Variants in FMNL2 observed in about 807,000 individuals in gnomAD.
The protein encoded by FMNL2 is formin-like protein 2.
Under a neutral mutation model 130.2 loss-of-function variants are expected in FMNL2, and 51 were observed. The observed-to-expected ratio is 0.39, with a 90% CI of 0.31 to 0.49. The LOEUF is 0.49. Ranked by LOEUF, FMNL2 falls within the 20% of genes least tolerant of loss-of-function variation. FMNL2 has a pLI of 0.85. For synonymous variants in FMNL2, 465 were observed against 467.1 expected (o/e 1.00, Z 0.06); for missense variants, 977 against 1,316.2 (o/e 0.74, Z 3.99).
At chr2:152,401,129 G>T (rs1008775582) in intron 1 of FMNL2, among the ~76,000 whole-genome samples, 4 of 152,264 alleles carry the variant, frequency 2.6e-5, no homozygotes, top group African/African-American at 9.6e-5. Flanking sequence ...GCCTGGGCCT[G>T]TGATATGACT....
chr2:152,338,836 C>CACACACACAT (rs1553862447), intron 1 of FMNL2, among the ~76,000 whole-genome samples: 2 of 151,318 alleles, frequency 1.3e-5, no homozygotes, highest in African/African-American at 2.4e-5. Context: ...CACACACACA[C>CACACACACAT]ACACACACAC....
intron 1 of FMNL2, among the ~76,000 whole-genome samples, chr2:152,481,054 T>C (rs1690491499): frequency 6.6e-6 from 1 of 152,246 alleles, no homozygotes; most frequent in Admixed American, 6.5e-5. Flanking sequence ...TTGAAGCATA[T>C]GTATGTGCTT....
In FMNL2 at chr2:152,335,250, C is replaced by T. The variant is rs1681321909; in HGVS notation, c.-354C>T. The stretch of plus-strand genomic sequence containing the variant: ...GAAGTGTCAGCGGCGGCCGCGGGCC[C>T]GGCAGAAGGCCGAGTAGGAGGGACC... On this transcript the variant is annotated 5_prime_UTR_variant, in exon 1 of 26. Transcript: ENST00000288670. 1 of 158,388 alleles carries T rather than the reference C, an allele frequency of 6.3e-6. No homozygotes were observed. The allele number at this position is 158,388 out of a possible 1,614,324, so 9.8% of individuals were successfully genotyped here.
At chr2:152,488,832 C>T (rs1001490780) in intron 1 of FMNL2, among the ~76,000 whole-genome samples, 1 of 151,976 alleles carries the variant, frequency 6.6e-6, no homozygotes, top group African/African-American at 2.4e-5. Flanking sequence ...AATCCTTGCA[C>T]TTTGGGAGGC....
At chr2:152,405,861 A>G (rs994383015) in intron 1 of FMNL2, among the ~76,000 whole-genome samples, 1 of 152,218 alleles carries the variant, frequency 6.6e-6, no homozygotes, top group Non-Finnish European at 1.5e-5. Context: ...ATGCAGAATG[A>G]TATTGATATG....
At chr2:152,464,908 T>C (rs1054119583) in intron 1 of FMNL2, among the ~76,000 whole-genome samples, 4 of 152,160 alleles carry the variant, frequency 2.6e-5, no homozygotes, top group African/African-American at 7.2e-5. Flanking sequence ...AGGAATCTTA[T>C]TGAGAAGGGG....
chr2:152,528,308 ATTACTGCACATTTGG>A (rs1693505740), intron 2 of FMNL2, among the ~76,000 whole-genome samples: 1 of 152,204 alleles, frequency 6.6e-6, no homozygotes, highest in Non-Finnish European at 1.5e-5. Context: ...GCCATAACAA[ATTACTGCACATTTGG>A]TGGCTTACAA....
intron 6 of FMNL2, among the ~76,000 whole-genome samples, chr2:152,569,907 A>G (rs1696081402): frequency 6.6e-6 from 1 of 151,220 alleles, no homozygotes; most frequent in African/African-American, 2.4e-5. Context: ...GCTACTTGGG[A>G]GGCTGAGGCA....
At chr2:152,571,079 A>C (rs1696145568) in intron 6 of FMNL2, among the ~76,000 whole-genome samples, 1 of 152,184 alleles carries the variant, frequency 6.6e-6, no homozygotes, top group African/African-American at 2.4e-5. Context: ...CTTGAAAACC[A>C]GTAGCTGCAA....
At chr2:152,510,478 ATTC>A (rs1692440415) in intron 1 of FMNL2, among the ~76,000 whole-genome samples, 1 of 152,206 alleles carries the variant, frequency 6.6e-6, no homozygotes, top group Non-Finnish European at 1.5e-5. Context: ...TGTTTTGGGA[ATTC>A]TTCTATTTTT....
At chr2:152,473,295 C>T (rs73968028) in intron 1 of FMNL2, among the ~76,000 whole-genome samples, 17 of 152,182 alleles carry the variant, frequency 1.1e-4, no homozygotes, top group African/African-American at 3.9e-4. Context: ...CCTCCAACTC[C>T]TGGGCTCAAG....
intron 11 of FMNL2, among the ~76,000 whole-genome samples, chr2:152,612,901 A>C (rs1451062726): frequency 6.6e-6 from 1 of 152,234 alleles, no homozygotes; most frequent in Non-Finnish European, 1.5e-5. Flanking sequence ...TGAAGAATAT[A>C]GAAGTACTTC....
intron 1 of FMNL2, among the ~76,000 whole-genome samples, chr2:152,461,173 T>C (rs1689220006): frequency 6.6e-6 from 1 of 152,200 alleles, no homozygotes; most frequent in South Asian, 2.1e-4. Flanking sequence ...ATGATGAACT[T>C]TAAATTTCCC....
chr2:152,623,802 T>C lies in FMNL2; in HGVS notation c.1838-1636T>C, dbSNP rs151229454. 2.0e-5 allele frequency among the ~76,000 whole-genome samples: 3 copies of C among 152,070 alleles called. No homozygotes were observed. The East Asian group carries it at 5.8e-4, about 30-fold the overall frequency. ...CTTTATGATATATAATAGATAAATA[T>C]AATTTTAAATGGATTACCTTTTTTG... On this transcript the variant is annotated intron_variant, in intron 15 of 25. Transcript: ENST00000288670.
At chr2:152,636,117 T>A (rs1433708716) in intron 21 of FMNL2, among the ~76,000 whole-genome samples, 1 of 152,188 alleles carries the variant, frequency 6.6e-6, no homozygotes, top group African/African-American at 2.4e-5. Context: ...AGAGTCCACA[T>A]TTGTTACCTG....
intron 1 of FMNL2, among the ~76,000 whole-genome samples, chr2:152,502,922 A>G (rs934971957): frequency 8.5e-5 from 13 of 152,150 alleles, no homozygotes; most frequent in Admixed American, 7.2e-4. Flanking sequence ...GAGATTGTAA[A>G]TGGTTGACCA....
intron 1 of FMNL2, among the ~76,000 whole-genome samples, chr2:152,504,922 T>A (rs781083537): frequency 2.0e-5 from 3 of 152,146 alleles, no homozygotes; most frequent in Non-Finnish European, 2.9e-5. Context: ...ATGTAGAAAA[T>A]ACTGACGTGT....
chr2:152,568,333 AC>A (rs1199644122), intron 6 of FMNL2, among the ~76,000 whole-genome samples: 1 of 149,862 alleles, frequency 6.7e-6, no homozygotes, highest in Non-Finnish European at 1.5e-5. Flanking sequence ...CTTTTGCCTC[AC>A]CCTCCCAAGT....
rs551875152 is a variant in FMNL2 at position 152,389,404 on chromosome 2, T to G, written c.117+53684T>G. ...CGCATTTACGAGGACTCCGCCTTCA[T>G]GATCTAATCACCTCCCAAGAGCCCC... On this transcript the variant is annotated intron_variant, in intron 1 of 25. Transcript: ENST00000288670. Among the ~76,000 whole-genome samples the G allele has an allele frequency of 4.8e-3, 728 of 152,308 alleles. 3 individuals are homozygous for G. The highest frequency in any genetic ancestry group is 0.01 in the Middle Eastern group (3 of 294).
Sources: allele counts gnomAD v4.1 joint callset (sites outside exome capture counted in the v4.1 genomes callset), GRCh38; gene constraint gnomAD v4.1.1; transcripts MANE v1.5; gene names NCBI Gene and HGNC (gene_info 2026-07-23, HGNC 2026-07-21).